The following KCNK13 variants were observed in gnomAD, a reference collection of about 807,000 sequenced individuals.
KCNK13 encodes potassium channel subfamily K member 13.
A neutral mutation model predicts 23.4 loss-of-function variants in KCNK13; 12 were observed. That is an observed-to-expected ratio of 0.51 (90% confidence interval 0.33 to 0.83). KCNK13 has a LOEUF of 0.83. Among genes scored for constraint, KCNK13 ranks in the 40% least tolerant of loss-of-function variants. KCNK13 has a pLI of 0.02. For missense variants in KCNK13, 463 were observed against 556.3 expected (o/e 0.83, Z 1.69); for synonymous variants, 231 against 229.5 (o/e 1.01, Z -0.06).
chr14:90,130,260 T>C (rs1294413634), intron 1 of KCNK13, among the ~76,000 whole-genome samples: 1 of 151,606 alleles, frequency 6.6e-6, no homozygotes, highest in African/African-American at 2.4e-5. Context: ...AGTGCAATGG[T>C]GCAATCTCGG....
At chr14:90,066,057 G>A (rs767145376) in intron 1 of KCNK13, among the ~76,000 whole-genome samples, 6 of 151,802 alleles carry the variant, frequency 4.0e-5, no homozygotes, top group African/African-American at 1.2e-4. Flanking sequence ...CCTGCCTCCC[G>A]GGTTCAAGCA....
chr14:90,176,536 G>A (rs1225128024), intron 1 of KCNK13, among the ~76,000 whole-genome samples: 1 of 151,766 alleles, frequency 6.6e-6, no homozygotes, highest in African/African-American at 2.4e-5. Context: ...CAATTCTTTT[G>A]TAGTTTCATC....
chr14:90,120,056 T>A (rs1463448143), intron 1 of KCNK13, among the ~76,000 whole-genome samples: 1 of 152,134 alleles, frequency 6.6e-6, no homozygotes, highest in Non-Finnish European at 1.5e-5. Flanking sequence ...TCTGCTCCTC[T>A]CCCTCCTCCC....
intron 1 of KCNK13, among the ~76,000 whole-genome samples, chr14:90,145,481 G>T (rs1890062018): frequency 6.6e-6 from 1 of 152,148 alleles, no homozygotes; most frequent in African/African-American, 2.4e-5. Context: ...TACATTGTTG[G>T]ATTCAAACAT....
Position 90,120,288 on chromosome 14 carries a change from G to A in KCNK13, c.334+57749G>A, listed in dbSNP as rs180934369. Reference sequence around the variant, plus strand: ...GCATAGTATTCCATACGTGATGTGTGTGTGTCTGTGCACTATTCCAGTGAG... The same window carrying A: ...GCATAGTATTCCATACGTGATGTGTATGTGTCTGTGCACTATTCCAGTGAG... On this transcript the variant is annotated intron_variant, in intron 1 of 1. Coordinates refer to ENST00000282146, the MANE Select transcript of KCNK13 (RefSeq NM_022054.4). 3.9e-5 allele frequency among the ~76,000 whole-genome samples: 6 copies of A among 152,338 alleles called. 1 individual carries two copies. Among genetic ancestry groups the A allele is most frequent in the African/African-American group, 1.4e-4 (6 of 41,582 alleles).
chr14:90,069,903 G>A (rs1889053575), intron 1 of KCNK13, among the ~76,000 whole-genome samples: 1 of 152,114 alleles, frequency 6.6e-6, no homozygotes, highest in Non-Finnish European at 1.5e-5. Context: ...AAGTGGCAGA[G>A]TTAGAATTAG....
At chr14:90,088,336 AAG>A (rs1889305388) in intron 1 of KCNK13, among the ~76,000 whole-genome samples, 4 of 151,244 alleles carry the variant, frequency 2.6e-5, no homozygotes, top group Admixed American at 2.0e-4. Flanking sequence ...CTTAAAAAGA[AAG>A]AAAGAAAGAA....
chr14:90,116,624 G>A (rs1009307277), intron 1 of KCNK13, among the ~76,000 whole-genome samples: 1 of 152,078 alleles, frequency 6.6e-6, no homozygotes, highest in Non-Finnish European at 1.5e-5. Context: ...GATTTAGACC[G>A]CTCATTACAA....
intron 1 of KCNK13, among the ~76,000 whole-genome samples, chr14:90,119,507 A>C (rs1889712585): frequency 6.6e-6 from 1 of 152,218 alleles, no homozygotes; most frequent in African/African-American, 2.4e-5. Context: ...TCAATAAATA[A>C]TCATCACATA....
intron 1 of KCNK13, among the ~76,000 whole-genome samples, chr14:90,165,883 G>C (rs549917910): frequency 6.6e-6 from 1 of 152,300 alleles, no homozygotes; most frequent in South Asian, 2.1e-4. Flanking sequence ...CCAAGATGCA[G>C]TGACTCTCAG....
intron 1 of KCNK13, among the ~76,000 whole-genome samples, chr14:90,078,463 A>AGGAG (rs1383091580): frequency 1.3e-5 from 2 of 150,784 alleles, no homozygotes; most frequent in Non-Finnish European, 3.0e-5. Context: ...GAAGGAAGGA[A>AGGAG]GGAGGGAGGG....
At chr14:90,146,775 T>C (rs1316473695) in intron 1 of KCNK13, among the ~76,000 whole-genome samples, 1 of 152,324 alleles carries the variant, frequency 6.6e-6, no homozygotes, top group South Asian at 2.1e-4. Flanking sequence ...ACTTAATATG[T>C]TTATTGGTAT....
At chr14:90,166,866 C>T (rs1194856706) in intron 1 of KCNK13, among the ~76,000 whole-genome samples, 5 of 152,164 alleles carry the variant, frequency 3.3e-5, no homozygotes, top group Non-Finnish European at 5.9e-5. Flanking sequence ...TGCACACACA[C>T]ACCCAAATCA....
chr14:90,087,154 A>ATATATATTT (rs1282261147), intron 1 of KCNK13, among the ~76,000 whole-genome samples: 1 of 107,650 alleles, frequency 9.3e-6, no homozygotes, highest in East Asian at 2.7e-4. Context: ...ATATATATAT[A>ATATATATTT]TTTTTTTTTT....
In KCNK13 at chr14:90,101,790, C is replaced by CAAAAAAAAAAAAAAAAAAAAAA. The variant is rs546423368; in HGVS notation, c.334+39252_334+39273dup. On this transcript the variant is annotated intron_variant, in intron 1 of 1. Coordinates refer to ENST00000282146, the MANE Select transcript of KCNK13 (RefSeq NM_022054.4). ...GGGCAACAGAGTGAGACTCCGTCTC[C>CAAAAAAAAAAAAAAAAAAAAAA]AAAAAAAAAAAAAAAAAAAAAACCT... is the stretch of plus-strand genomic sequence containing the variant. Among the ~76,000 whole-genome samples, 47 of 55,578 alleles carry CAAAAAAAAAAAAAAAAAAAAAA rather than the reference C, an allele frequency of 8.5e-4. 3 individuals carry two copies. Among genetic ancestry groups the CAAAAAAAAAAAAAAAAAAAAAA allele is most frequent in the African/African-American group, 2.0e-3 (31 of 15,150 alleles). The allele number at this position is 55,578 out of a possible 152,430, so 36.5% of individuals were successfully genotyped here. A position where few individuals can be genotyped will look rare whatever the true frequency, so the allele number is the denominator to read the frequency against.
chr14:90,068,359 G>A (rs962047625), intron 1 of KCNK13, among the ~76,000 whole-genome samples: 3 of 152,076 alleles, frequency 2.0e-5, no homozygotes, highest in African/African-American at 7.2e-5. Flanking sequence ...CTTTGGGAGG[G>A]GGAGGTGGGT....
At chr14:90,074,221 G>A (rs1261553355) in intron 1 of KCNK13, among the ~76,000 whole-genome samples, 1 of 152,210 alleles carries the variant, frequency 6.6e-6, no homozygotes, top group African/African-American at 2.4e-5. Flanking sequence ...ACCCGCCTTG[G>A]CCTCCCAAGG....
At chr14:90,139,632 A>G (rs1488544965) in intron 1 of KCNK13, among the ~76,000 whole-genome samples, 1 of 152,170 alleles carries the variant, frequency 6.6e-6, no homozygotes, top group Non-Finnish European at 1.5e-5. Context: ...CACTGGGAGG[A>G]AACAGTGTTG....
intron 1 of KCNK13, among the ~76,000 whole-genome samples, chr14:90,156,479 G>A (rs921277052): frequency 2.7e-5 from 4 of 150,904 alleles, no homozygotes; most frequent in Admixed American, 1.3e-4. Context: ...GAGAAGGTTC[G>A]AGAATTGAGA....
Sources: allele counts gnomAD v4.1 joint callset (sites outside exome capture counted in the v4.1 genomes callset), GRCh38; gene constraint gnomAD v4.1.1; transcripts MANE v1.5; gene names NCBI Gene and HGNC (gene_info 2026-07-23, HGNC 2026-07-21).